The following CACHD1 variants were observed in gnomAD, a reference collection of about 807,000 sequenced individuals.
CACHD1 encodes VWFA and cache domain-containing protein 1.
Under a neutral mutation model 138.7 loss-of-function variants are expected in CACHD1, and 71 were observed. That is an observed-to-expected ratio of 0.51 (90% CI 0.42 to 0.62). CACHD1 has a LOEUF of 0.62. Among genes scored for constraint, CACHD1 ranks in the 20% least tolerant of loss-of-function variants. CACHD1 has a pLI of 0.00. For synonymous variants in CACHD1, 578 were observed against 591.5 expected, an observed-to-expected ratio of 0.98 and a Z score of 0.33; for missense variants, 1,389 against 1,625.3, an observed-to-expected ratio of 0.85 and a Z score of 2.50.
At chr1:64,485,346 G>T (rs1483380613) in intron 1 of CACHD1, among the ~76,000 whole-genome samples, 6 of 152,090 alleles carry the variant, frequency 3.9e-5, no homozygotes, top group Non-Finnish European at 7.4e-5. Context: ...GGAAACCATC[G>T]ATATATTCTC....
chr1:64,639,049 T>C (rs1648614952), intron 7 of CACHD1, among the ~76,000 whole-genome samples: 1 of 152,238 alleles, frequency 6.6e-6, no homozygotes, highest in South Asian at 2.1e-4. Flanking sequence ...CTTCCAGACA[T>C]GGACCTTTGC....
chr1:64,515,740 C>T (rs1298162836), intron 1 of CACHD1, among the ~76,000 whole-genome samples: 1 of 152,120 alleles, frequency 6.6e-6, no homozygotes, highest in Non-Finnish European at 1.5e-5. Context: ...TTATCTGACA[C>T]TATTTGGGGA....
chr1:64,604,680 T>G (rs1647283967), intron 4 of CACHD1, among the ~76,000 whole-genome samples: 1 of 152,126 alleles, frequency 6.6e-6, no homozygotes, highest in African/African-American at 2.4e-5. Context: ...TGAGATAGAG[T>G]CTTGCTATGT....
intron 1 of CACHD1, among the ~76,000 whole-genome samples, chr1:64,521,238 G>A (rs955675812): frequency 1.4e-4 from 22 of 152,194 alleles, no homozygotes; most frequent in Non-Finnish European, 2.6e-4. Context: ...GTTGCACTAA[G>A]CTCATGGAGG....
rs1051296204 is a variant in CACHD1 at position 64,537,518 on chromosome 1, G to A, written c.199-13076G>A. ...AGGCCAGTTTGTTGAGACTGGGAGC[G>A]GAGCTTATAAAGGCACCGGGAGCTA... On this transcript the variant is annotated intron_variant, in intron 1 of 26. Transcript: ENST00000651257. Among the ~76,000 whole-genome samples, 11 of 152,226 alleles carry A rather than the reference G, an allele frequency of 7.2e-5. No homozygotes were observed. In the East Asian group the frequency reaches 7.7e-4, roughly 11 times the overall value.
At chr1:64,670,955 TG>T (rs1383757731) in intron 16 of CACHD1, among the ~76,000 whole-genome samples, 1 of 152,206 alleles carries the variant, frequency 6.6e-6, no homozygotes, top group Non-Finnish European at 1.5e-5. Flanking sequence ...TTCTCTTCCT[TG>T]GCTGTTGAGA....
At chr1:64,529,541 A>G (rs557112340) in intron 1 of CACHD1, among the ~76,000 whole-genome samples, 1 of 152,338 alleles carries the variant, frequency 6.6e-6, no homozygotes, top group East Asian at 1.9e-4. Flanking sequence ...GGTTTATTAC[A>G]TTAGCAACAA....
At position 64,679,630 on chromosome 1, in the gene CACHD1, GC is replaced by G; in HGVS notation, c.3284del (p.Pro1095LeufsTer74). 1 of 1,614,164 alleles carries G rather than the reference GC, an allele frequency of 6.2e-7. No individual in the cohort carries two copies. The highest frequency in any genetic ancestry group is 2.2e-5 in the East Asian group (1 of 44,882). ...EVITLNMIKSAPVGPVAGGIM... is the reference protein window; with the variant it reads ...EVITLNMIKSXPVGPVAGGIM... ...GATCACATTAAACATGATTAAAAGC[GC>G]CCCTGTGGGTCCTGTGGCTGGAGGG... On this transcript the variant is annotated frameshift_variant, in exon 24 of 27. Transcript: ENST00000651257. LOFTEE classifies it high-confidence loss of function.
chr1:64,506,703 G>A (rs541837015), intron 1 of CACHD1, among the ~76,000 whole-genome samples: 65 of 152,342 alleles, frequency 4.3e-4, no homozygotes, highest in African/African-American at 1.5e-3. Flanking sequence ...AGTATCTGGT[G>A]TATCTTGTGT....
At chr1:64,661,645 A>G (rs1009458688) in intron 13 of CACHD1, among the ~76,000 whole-genome samples, 3 of 152,070 alleles carry the variant, frequency 2.0e-5, no homozygotes, top group African/African-American at 7.2e-5. Flanking sequence ...TGAGTTCAGG[A>G]ACTACCCTCT....
Position 64,597,518 on chromosome 1 carries a change from T to G in CACHD1, c.411-5288T>G, listed in dbSNP as rs11804852. Among the ~76,000 whole-genome samples the G allele has an allele frequency of 1.1e-3, 145 of 131,454 alleles. 2 individuals are homozygous for G. The highest frequency in any genetic ancestry group is 3.5e-3 in the East Asian group (16 of 4,530). 86.2% of individuals were successfully genotyped at this position (131,454 alleles called of 152,430 possible). A position where few individuals can be genotyped will look rare whatever the true frequency, so the allele number is the denominator to read the frequency against. On this transcript the variant is annotated intron_variant, in intron 3 of 26. Transcript: ENST00000651257. ...AGTAAATCCAGAAGGAAGTTTTTTTTTTGTTGTTTTTTTTTTTTTTTTTTT... is the reference window on the plus strand; with the variant it reads ...AGTAAATCCAGAAGGAAGTTTTTTTGTTGTTGTTTTTTTTTTTTTTTTTTT...
At chr1:64,542,975 CCACACACACATCAA>C (rs1409683291) in intron 1 of CACHD1, among the ~76,000 whole-genome samples, 1 of 147,868 alleles carries the variant, frequency 6.8e-6, no homozygotes, top group Non-Finnish European at 1.5e-5. Flanking sequence ...CATAGTACAT[CCACACACACATCAA>C]CACACACACA....
chr1:64,529,921 A>C (rs1001484039), intron 1 of CACHD1, among the ~76,000 whole-genome samples: 13 of 152,188 alleles, frequency 8.5e-5, no homozygotes, highest in African/African-American at 3.1e-4. Flanking sequence ...ATTTTGGCCA[A>C]ATCTACTTTT....
At chr1:64,586,495 G>A (rs1421139880) in intron 3 of CACHD1, among the ~76,000 whole-genome samples, 1 of 151,020 alleles carries the variant, frequency 6.6e-6, no homozygotes, top group Non-Finnish European at 1.5e-5. Flanking sequence ...CTAAGGATGT[G>A]GTTAAAAACT....
chr1:64,656,539 G>C (rs1335685357), intron 12 of CACHD1, among the ~76,000 whole-genome samples: 1 of 152,124 alleles, frequency 6.6e-6, no homozygotes, highest in African/African-American at 2.4e-5. Context: ...CTGCATGGTT[G>C]CTGGCATTAA....
intron 1 of CACHD1, among the ~76,000 whole-genome samples, chr1:64,542,034 T>G (rs1265846537): frequency 6.6e-6 from 1 of 152,132 alleles, no homozygotes; most frequent in Non-Finnish European, 1.5e-5. Context: ...GGATTAACTA[T>G]AGTAAAATAG....
chr1:64,620,860 A>T (rs1647888895), intron 4 of CACHD1, among the ~76,000 whole-genome samples: 1 of 152,078 alleles, frequency 6.6e-6, no homozygotes, highest in Non-Finnish European at 1.5e-5. Context: ...CCAGACTACC[A>T]ATGCATTTAT....
intron 2 of CACHD1, among the ~76,000 whole-genome samples, chr1:64,554,183 C>G (rs928930792): frequency 1.3e-5 from 2 of 152,184 alleles, no homozygotes; most frequent in African/African-American, 4.8e-5. Flanking sequence ...ATGTACACCA[C>G]TAAATCTGGC....
chr1:64,529,081 G>T (rs1316606561), intron 1 of CACHD1, among the ~76,000 whole-genome samples: 1 of 152,024 alleles, frequency 6.6e-6, no homozygotes, highest in Non-Finnish European at 1.5e-5. Context: ...CTATAGTCTG[G>T]TGTTTGTTTT....
Sources: gnomAD v4.1 joint callset for allele counts (sites outside exome capture counted in the v4.1 genomes callset) on GRCh38, gnomAD v4.1.1 for gene constraint, MANE v1.5 for transcripts, NCBI Gene and HGNC (gene_info 2026-07-23, HGNC 2026-07-21) for gene names.